Variants in RIMKLB observed in about 807,000 individuals in gnomAD.
RIMKLB encodes beta-citrylglutamate synthase B.
In RIMKLB, 7 loss-of-function variants were observed where a neutral mutation model predicts 32.0. The observed-to-expected ratio is 0.22, with a 90% CI of 0.12 to 0.41. The LOEUF (loss-of-function observed/expected upper bound fraction) is 0.41, where lower values mean the gene tolerates loss of function less well. Among genes scored for constraint, RIMKLB ranks in the 10% least tolerant of loss-of-function variants. The pLI is 1.00. For missense variants in RIMKLB, 289 were observed against 498.7 expected (o/e 0.58, Z 4.00); for synonymous variants, 172 against 185.1 (o/e 0.93, Z 0.57).
chr12:8,709,105 G>A (rs1413168266), intron 1 of RIMKLB, among the ~76,000 whole-genome samples: 2 of 152,154 alleles, frequency 1.3e-5, no homozygotes, highest in African/African-American at 2.4e-5. Context: ...CGCTACTGGA[G>A]AATATTTTCT....
chr12:8,669,756 G>A, the RIMKLB span, among the ~76,000 whole-genome samples: 3 of 151,954 alleles, frequency 2.0e-5, no homozygotes, highest in Non-Finnish European at 1.5e-5. Flanking sequence ...GGCTGGGTGC[G>A]GTGGCTCATG....
At chr12:8,674,332 G>A in the RIMKLB span, among the ~76,000 whole-genome samples, 4 of 138,698 alleles carry the variant, frequency 2.9e-5, no homozygotes, top group African/African-American at 1.1e-4. Context: ...TCCACCTCCC[G>A]GGCTCATGCC....
At chr12:8,770,302 G>T (rs1225000980) in intron 5 of RIMKLB, among the ~76,000 whole-genome samples, 1 of 152,156 alleles carries the variant, frequency 6.6e-6, no homozygotes, top group Admixed American at 6.5e-5. Context: ...GAACAAAACA[G>T]ACAGAAATCC....
At chr12:8,772,877 G>A (rs1294327476) in intron 5 of RIMKLB, among the ~76,000 whole-genome samples, 1 of 152,200 alleles carries the variant, frequency 6.6e-6, no homozygotes, top group African/African-American at 2.4e-5. Context: ...TTTTGGTTTA[G>A]GAATGACAGC....
chr12:8,711,669 C>G (rs761400296), intron 1 of RIMKLB, among the ~76,000 whole-genome samples: 1 of 151,700 alleles, frequency 6.6e-6, no homozygotes, highest in Admixed American at 6.6e-5. Flanking sequence ...TCCCTCCCCC[C>G]TCCCCCAAAC....
At chr12:8,777,576 C>G, downstream of RIMKLB, 1 of 1,285,592 alleles carries the variant, frequency 7.8e-7, no homozygotes, top group South Asian at 1.2e-5. Context: ...TGCACTGTTA[C>G]TGTTCTTTAC....
At chr12:8,749,730 ATC>A (rs2137720786) in intron 2 of RIMKLB, 130 bp from the exon 3 acceptor site, 1 of 619,640 alleles carries the variant, frequency 1.6e-6, no homozygotes, top group East Asian at 2.8e-5. Context: ...TCTTAGGAGT[ATC>A]TCTATCCCAA....
At chr12:8,690,164 A>G (rs1047013179) in intron 1 of RIMKLB, among the ~76,000 whole-genome samples, 4 of 152,186 alleles carry the variant, frequency 2.6e-5, no homozygotes, top group African/African-American at 9.7e-5. Flanking sequence ...TTCGAGAAAA[A>G]GCATAATTGA....
chr12:8,781,764 TTCTTCATTAGA>T (rs371396972), downstream of RIMKLB, among the ~76,000 whole-genome samples: 1,234 of 152,358 alleles, frequency 8.1e-3, 12 homozygotes, highest in Non-Finnish European at 8.1e-3. Context: ...TTCATTTGCA[TTCTTCATTAGA>T]ATTTGACTAG....
At chr12:8,724,256 A>AT (rs1945766380) in intron 2 of RIMKLB, among the ~76,000 whole-genome samples, 1 of 152,030 alleles carries the variant, frequency 6.6e-6, no homozygotes, top group South Asian at 2.1e-4. Context: ...AATTCGTTTG[A>AT]TTTTTAAAGA....
chr12:8,754,153 G>A (rs988121971), intron 5 of RIMKLB, 60 bp downstream of exon 5: 6 of 1,207,408 alleles, frequency 5.0e-6, no homozygotes, highest in Admixed American at 3.4e-5. Flanking sequence ...TGTCCAGTGA[G>A]TATTCATATG....
At chr12:8,669,346 C>T in the RIMKLB span, among the ~76,000 whole-genome samples, 1 of 152,130 alleles carries the variant, frequency 6.6e-6, no homozygotes, top group East Asian at 1.9e-4. Flanking sequence ...GATCCAAGCA[C>T]CTCCCACTAG....
upstream of RIMKLB, among the ~76,000 whole-genome samples, chr12:8,696,828 T>A (rs892654142): frequency 1.3e-5 from 2 of 152,074 alleles, no homozygotes; most frequent in African/African-American, 4.8e-5. Context: ...TTGGCTGAGG[T>A]CACTGAGACA....
chr12:8,736,230 CTTTTTA>C (rs1324524061), intron 2 of RIMKLB, among the ~76,000 whole-genome samples: 1 of 152,074 alleles, frequency 6.6e-6, no homozygotes, highest in Non-Finnish European at 1.5e-5. Flanking sequence ...AAATTATTTT[CTTTTTA>C]TAAGGTGCTA....
At chr12:8,767,260 C>T (rs1487643874) in intron 5 of RIMKLB, among the ~76,000 whole-genome samples, 1 of 152,182 alleles carries the variant, frequency 6.6e-6, no homozygotes, top group African/African-American at 2.4e-5. Context: ...TCTCTTTTCT[C>T]CTAGCCCTTT....
At chr12:8,736,158 T>A (rs1457688922) in intron 2 of RIMKLB, among the ~76,000 whole-genome samples, 1 of 152,210 alleles carries the variant, frequency 6.6e-6, no homozygotes, top group Non-Finnish European at 1.5e-5. Context: ...CCATTGTTAG[T>A]TCTATTTTAG....
chr12:8,678,416 C>T (rs531318623), upstream of RIMKLB, among the ~76,000 whole-genome samples: 277 of 152,030 alleles, frequency 1.8e-3, 2 homozygotes, highest in Non-Finnish European at 3.4e-3. Flanking sequence ...CCGCATCCTC[C>T]GCCTCCCGGG....
intron 2 of RIMKLB, among the ~76,000 whole-genome samples, chr12:8,743,402 T>G (rs2137557471): frequency 6.7e-6 from 1 of 149,162 alleles, no homozygotes; most frequent in East Asian, 1.9e-4. Flanking sequence ...AAAAATAATC[T>G]GGAATGCTCA....
chr12:8,711,257 G>A (rs1486026135), intron 1 of RIMKLB, among the ~76,000 whole-genome samples: 1 of 151,536 alleles, frequency 6.6e-6, no homozygotes, highest in Admixed American at 6.6e-5. Flanking sequence ...AAATTAGCCT[G>A]ATGTGATTTG....
Sources: gnomAD v4.1 joint callset for allele counts (sites outside exome capture counted in the v4.1 genomes callset) on GRCh38, gnomAD v4.1.1 for gene constraint, MANE v1.5 for transcripts, NCBI Gene and HGNC (gene_info 2026-07-23, HGNC 2026-07-21) for gene names.